GPBP1: variants seen among roughly 807,000 people sequenced by gnomAD.
GPBP1 encodes GC-rich promoter binding protein 1, also known as vasculin.
In GPBP1, 13 loss-of-function variants were observed where a neutral mutation model predicts 56.5. The observed-to-expected ratio is 0.23, with a 90% CI of 0.15 to 0.37. GPBP1 has a LOEUF of 0.37. Among genes scored for constraint, GPBP1 ranks in the 10% least tolerant of loss-of-function variants. The pLI is 1.00. For missense variants in GPBP1, 477 were observed against 572.3 expected (o/e 0.83, Z 1.70); for synonymous variants, 204 against 188.9 (o/e 1.08, Z -0.66).
At chr5:57,228,344 A>G (rs1756286338) in intron 3 of GPBP1, among the ~76,000 whole-genome samples, 1 of 152,096 alleles carries the variant, frequency 6.6e-6, no homozygotes, top group African/African-American at 2.4e-5. Context: ...AGTCCCAGCT[A>G]CTTGGGAGGC....
chr5:57,242,783 A>ACTGT, intron 6 of GPBP1, among the ~76,000 whole-genome samples: 1 of 151,868 alleles, frequency 6.6e-6, no homozygotes, highest in African/African-American at 2.4e-5. Context: ...GGAGTCTCAC[A>ACTGT]CTGTCGCCCT....
chr5:57,245,511 T>C (rs2111916427), intron 6 of GPBP1: 1 of 152,354 alleles, frequency 6.6e-6, no homozygotes, highest in East Asian at 1.9e-4. Flanking sequence ...CTTAATTTAT[T>C]CTAAACTTTC....
intron 9 of GPBP1, among the ~76,000 whole-genome samples, chr5:57,250,119 T>A (rs537640625): frequency 6.8e-6 from 1 of 147,732 alleles, no homozygotes; most frequent in Non-Finnish European, 1.5e-5. Context: ...GGGACTATAT[T>A]TATGTGCCAC....
intron 9 of GPBP1, among the ~76,000 whole-genome samples, 171 bp downstream of exon 9, chr5:57,249,747 CCCCCCTT>C (rs1209544985): frequency 8.1e-6 from 1 of 123,160 alleles, no homozygotes; most frequent in Non-Finnish European, 1.7e-5. Flanking sequence ...TTTCTCGCCT[CCCCCCTT>C]CCCCCTCCCC....
chr5:57,260,928 C>A (rs1472576181), intron 10 of GPBP1, among the ~76,000 whole-genome samples: 2 of 152,100 alleles, frequency 1.3e-5, no homozygotes, highest in African/African-American at 4.8e-5. Context: ...AGTTTCCAGC[C>A]TGAAGAGCCT....
At chr5:57,206,951 A>T (rs534408315) in intron 2 of GPBP1, among the ~76,000 whole-genome samples, 32 of 152,224 alleles carry the variant, frequency 2.1e-4, no homozygotes, top group African/African-American at 7.7e-4. Context: ...AAATATTTTT[A>T]AAATTAGCTT....
intron 5 of GPBP1, among the ~76,000 whole-genome samples, chr5:57,232,128 C>G (rs1321900927): frequency 2.0e-5 from 3 of 152,170 alleles, no homozygotes; most frequent in African/African-American, 7.2e-5. Context: ...CCTCTCTTGT[C>G]TCAGCCTCTT....
chr5:57,193,732 G>GAA (rs1454077269), intron 2 of GPBP1, among the ~76,000 whole-genome samples: 2 of 151,878 alleles, frequency 1.3e-5, no homozygotes, highest in East Asian at 3.9e-4. Flanking sequence ...CCTGTGCTTG[G>GAA]GATGATTGGT....
chr5:57,177,648 C>CTTTTTTTTTTTT (rs58708281), intron 2 of GPBP1, among the ~76,000 whole-genome samples: 10 of 92,242 alleles, frequency 1.1e-4, no homozygotes, highest in Non-Finnish European at 1.8e-4. Flanking sequence ...CAATTTTTGC[C>CTTTTTTTTTTTT]TTTTTTTTTT....
chr5:57,194,567 A>C (rs575134416), intron 2 of GPBP1, among the ~76,000 whole-genome samples: 19 of 152,236 alleles, frequency 1.2e-4, no homozygotes, highest in African/African-American at 4.6e-4. Flanking sequence ...GAAATATATA[A>C]TTATTGTTAA....
chr5:57,196,009 T>TAAAAAAAAAA (rs1561330296), intron 2 of GPBP1, among the ~76,000 whole-genome samples: 1 of 120,948 alleles, frequency 8.3e-6, no homozygotes, highest in African/African-American at 3.4e-5. Flanking sequence ...AAAAAAAATT[T>TAAAAAAAAAA]TTTTTTTTTG....
chr5:57,175,857 G>GAAA lies in GPBP1; in HGVS notation c.-600_-598dup. On this transcript the variant is annotated 5_prime_UTR_variant, in exon 2 of 12. Coordinates refer to ENST00000506184, the MANE Select transcript of GPBP1 (RefSeq NM_022913.4). ...ATGGCAGTTTATTTTTACCTTTATT[G>GAAA]AAAGTTTTAGGAATTTTTGACTTCA... is the stretch of plus-strand genomic sequence containing the variant. 1 of 397,166 alleles carries GAAA rather than the reference G, an allele frequency of 2.5e-6. No homozygotes were observed. The highest frequency in any genetic ancestry group is 4.4e-6 in the Non-Finnish European group (1 of 225,584). 24.6% of individuals were successfully genotyped at this position (397,166 alleles called of 1,614,324 possible). A position where few individuals can be genotyped will look rare whatever the true frequency, so the allele number is the denominator to read the frequency against.
At chr5:57,258,529 G>T (rs1741759360) in intron 10 of GPBP1, among the ~76,000 whole-genome samples, 1 of 152,198 alleles carries the variant, frequency 6.6e-6, no homozygotes, top group Non-Finnish European at 1.5e-5. Context: ...TAAGAAAATG[G>T]TATTACAGTC....
At chr5:57,240,055 G>A (rs187158828) in intron 6 of GPBP1, among the ~76,000 whole-genome samples, 71 of 152,118 alleles carry the variant, frequency 4.7e-4, no homozygotes, top group African/African-American at 1.6e-3. Flanking sequence ...GGGGCCAGGA[G>A]CTCTCATAGG....
rs1001648324 is a variant in GPBP1, at chr5:57,263,947, TAA to T, written c.*1197_*1198del. 7 of 152,324 alleles carry T rather than the reference TAA, an allele frequency of 4.6e-5. No homozygotes were observed. The highest frequency in any genetic ancestry group is 1.7e-4 in the African/African-American group (7 of 41,578). 9.4% of individuals were successfully genotyped at this position (152,324 alleles called of 1,614,324 possible). A position where few individuals can be genotyped will look rare whatever the true frequency, so the allele number is the denominator to read the frequency against. Reference sequence around the variant, plus strand: ...ATGTTTAAATATATTCTAACTTATGTAAAGAGCATAATCTTAGAGCAAAAATA... The same window carrying T: ...ATGTTTAAATATATTCTAACTTATGTAGAGCATAATCTTAGAGCAAAAATA... On this transcript the variant is annotated 3_prime_UTR_variant, in exon 12 of 12. Coordinates refer to ENST00000506184, the MANE Select transcript of GPBP1 (RefSeq NM_022913.4).
chr5:57,192,796 A>G (rs1189260407), intron 2 of GPBP1, among the ~76,000 whole-genome samples: 1 of 150,452 alleles, frequency 6.6e-6, no homozygotes, highest in Admixed American at 6.6e-5. Context: ...TTACATGTCT[A>G]TTACGAAGGC....
chr5:57,250,899 A>G (rs1741352754), intron 9 of GPBP1, 55 bp from the exon 10 acceptor site: 1 of 1,197,534 alleles, frequency 8.4e-7, no homozygotes, highest in South Asian at 1.5e-5. Context: ...AGTTTTTAAT[A>G]ACTGTATTCT....
chr5:57,249,595 A>G lies in GPBP1; in HGVS notation c.972+19A>G, dbSNP rs1439494909. The G allele has an allele frequency of 1.1e-5, 17 of 1,581,518 alleles. No individual in the cohort carries two copies. The South Asian group carries it at 1.1e-4, about 11-fold the overall frequency. On this transcript the variant is annotated intron_variant, in intron 9 of 11. Coordinates refer to ENST00000506184, the MANE Select transcript of GPBP1 (RefSeq NM_022913.4). ...AGAGAAGGTAATTGAATTTATAGCA[A>G]TACTTGATTTGACATTGATATGTCA...
chr5:57,195,999 AAAAAAAAT>A (rs1283230273), intron 2 of GPBP1, among the ~76,000 whole-genome samples: 1 of 149,882 alleles, frequency 6.7e-6, no homozygotes, highest in Non-Finnish European at 1.5e-5. Flanking sequence ...AAAAAAAAAA[AAAAAAAAT>A]TTTTTTTTTT....
Sources: allele counts gnomAD v4.1 joint callset (sites outside exome capture counted in the v4.1 genomes callset), GRCh38; gene constraint gnomAD v4.1.1; transcripts MANE v1.5; gene names NCBI Gene and HGNC (gene_info 2026-07-23, HGNC 2026-07-21).